Variants in ASB5 observed in about 807,000 individuals in gnomAD.
The protein encoded by ASB5 is ankyrin repeat and SOCS box containing 5.
A neutral mutation model predicts 42.1 loss-of-function variants in ASB5; 45 were observed. That is an observed-to-expected ratio of 1.07 (90% CI 0.84 to 1.37). The LOEUF is 1.37. Among genes scored for constraint, ASB5 ranks in the 40% most tolerant of loss-of-function variants. ASB5 has a pLI of 0.00. For synonymous variants in ASB5, 147 were observed against 150.6 expected (o/e 0.98, Z 0.18); for missense variants, 402 against 399.8 (o/e 1.01, Z -0.05).
rs1752895449 is a variant in ASB5 at position 176,213,732 on chromosome 4, A to T, written c.*1868T>A. ...TAATAACAAACATACAATACATTAAAGTTAGAACACTACTTTGATAAGACA... is the reference window on the plus strand; with the variant it reads ...TAATAACAAACATACAATACATTAATGTTAGAACACTACTTTGATAAGACA... On this transcript the variant is annotated 3_prime_UTR_variant, in exon 7 of 7. Coordinates refer to ENST00000296525, the MANE Select transcript of ASB5 (RefSeq NM_080874.4). 6.6e-6 allele frequency: 1 copy of T among 152,122 alleles called. No individual in the cohort carries two copies. Among genetic ancestry groups the T allele is most frequent in the South Asian group, 2.1e-4 (1 of 4,836 alleles). 9.4% of individuals were successfully genotyped at this position (152,122 alleles called of 1,614,324 possible). A position where few individuals can be genotyped will look rare whatever the true frequency, so the allele number is the denominator to read the frequency against.
Position 176,221,193 on chromosome 4 carries a change from G to A in ASB5, c.632C>T (p.Ser211Leu). 6.2e-7 allele frequency: 1 copy of A among 1,614,050 alleles called. No homozygotes were observed. Among genetic ancestry groups the A allele is most frequent in the Non-Finnish European group, 8.5e-7 (1 of 1,179,994 alleles). The part of the protein sequence containing the change: ...LGTPLYVACM[S>L]QQFHCIWKLL... ...CTTCCAGATGCAATGGAATTGCTGTGACATACAAGCTACATAGAGAGGAGT... is the reference window on the plus strand; with the variant it reads ...CTTCCAGATGCAATGGAATTGCTGTAACATACAAGCTACATAGAGAGGAGT... Residue 211 changes from serine to leucine, a missense_variant, in exon 5 of 7, where the codon TCA (serine) becomes TTA (leucine). Physicochemically the swap from Ser to Leu is moderately radical, Grantham distance 145 (BLOSUM62 -2). Coordinates refer to ENST00000296525, the MANE Select transcript of ASB5 (RefSeq NM_080874.4).
chr4:176,276,696 G>C (rs1199788681), intron 1 of ASB5, among the ~76,000 whole-genome samples: 1 of 152,114 alleles, frequency 6.6e-6, no homozygotes, highest in Admixed American at 6.6e-5. Flanking sequence ...AGAAATCAAG[G>C]CTCTGGAACT....
At chr4:176,215,799 T>A (rs1394465761) in intron 6 of ASB5, 72 bp from the exon 7 acceptor site, 26 of 1,421,116 alleles carry the variant, frequency 1.8e-5, no homozygotes, top group Non-Finnish European at 2.4e-5. Context: ...GTACATAACA[T>A]AAAACCATAA....
At position 176,245,598 on chromosome 4, in the gene ASB5, G is replaced by A. The variant is rs544629332; in HGVS notation, c.197-20257C>T. Among the ~76,000 whole-genome samples, 216 of 152,236 alleles carry A rather than the reference G, an allele frequency of 1.4e-3. 3 individuals are homozygous for A. The highest frequency in any genetic ancestry group is 0.011 in the South Asian group (55 of 4,826). ...TGCTACTATAAAGACACATGCACAC[G>A]TATGTTTATTGTGGCACTATTCACA... On this transcript the variant is annotated intron_variant, in intron 1 of 6. Transcript: ENST00000296525.
chr4:176,221,021 T>C (rs1753188703), intron 5 of ASB5, 134 bp downstream of exon 5: 2 of 1,152,516 alleles, frequency 1.7e-6, no homozygotes, highest in Non-Finnish European at 2.4e-6. Context: ...ATTGGTTCTC[T>C]ATTCATGTGT....
chr4:176,222,122 T>C (rs13127572), intron 3 of ASB5, among the ~76,000 whole-genome samples, 191 bp downstream of exon 3: 23,877 of 152,190 alleles, frequency 0.16, 2,488 homozygotes, highest in Middle Eastern at 0.29. Context: ...TGCAGCATGC[T>C]ACCCATTTAT....
chr4:176,218,254 A>G (rs181521409), intron 5 of ASB5, among the ~76,000 whole-genome samples: 1 of 17,064 alleles, frequency 5.9e-5, no homozygotes, highest in African/African-American at 3.0e-4. Flanking sequence ...ATATATAAAT[A>G]TATATATATT....
intron 1 of ASB5, among the ~76,000 whole-genome samples, chr4:176,228,949 TG>T (rs1753450784): frequency 6.6e-6 from 1 of 152,172 alleles, no homozygotes; most frequent in African/African-American, 2.4e-5. Context: ...CAATTTTTTG[TG>T]AACACTTAAA....
intron 1 of ASB5, among the ~76,000 whole-genome samples, chr4:176,225,681 C>T (rs555267468): frequency 2.0e-5 from 3 of 152,288 alleles, no homozygotes; most frequent in South Asian, 4.2e-4. Context: ...ACCTCTGTCT[C>T]CCATGTCAAG....
intron 1 of ASB5, among the ~76,000 whole-genome samples, chr4:176,252,627 A>G (rs931117996): frequency 3.3e-5 from 5 of 152,224 alleles, no homozygotes; most frequent in African/African-American, 1.2e-4. Context: ...AAAAAGCCAC[A>G]CGGAAAATAT....
intron 6 of ASB5, among the ~76,000 whole-genome samples, chr4:176,216,303 C>A (rs1480875766): frequency 1.3e-5 from 2 of 151,890 alleles, no homozygotes; most frequent in Non-Finnish European, 2.9e-5. Context: ...TATATTTAAC[C>A]AAAAATATAT....
chr4:176,243,579 C>T (rs748315949), intron 1 of ASB5, among the ~76,000 whole-genome samples: 6 of 151,830 alleles, frequency 4.0e-5, no homozygotes, highest in South Asian at 2.1e-4. Flanking sequence ...CTCGGCTCAC[C>T]GCAACCTCCG....
At chr4:176,228,577 C>A (rs1332527398) in intron 1 of ASB5, among the ~76,000 whole-genome samples, 1 of 152,064 alleles carries the variant, frequency 6.6e-6, no homozygotes, top group Admixed American at 6.6e-5. Context: ...ACACATAATT[C>A]TTTTGAGTTT....
chr4:176,252,114 T>G (rs1007284899), intron 1 of ASB5, among the ~76,000 whole-genome samples: 3 of 133,550 alleles, frequency 2.2e-5, no homozygotes. Context: ...GACACGCATA[T>G]AAAATATTTT....
intron 5 of ASB5, among the ~76,000 whole-genome samples, chr4:176,218,644 AAT>A (rs1261523796): frequency 1.5e-4 from 6 of 39,656 alleles, no homozygotes; most frequent in African/African-American, 2.7e-4. Context: ...ATGATATATA[AAT>A]ATATATATTT....
chr4:176,218,020 C>T (rs976358516), intron 5 of ASB5, among the ~76,000 whole-genome samples: 1 of 150,500 alleles, frequency 6.6e-6, no homozygotes, highest in South Asian at 2.1e-4. Context: ...TATTCCATAA[C>T]AAAATTTCCA....
intron 1 of ASB5, 118 bp downstream of exon 1, chr4:176,268,795 C>G (rs1014734577): frequency 2.0e-5 from 17 of 869,714 alleles, no homozygotes; most frequent in Non-Finnish European, 2.4e-5. Context: ...CAAGTATTTC[C>G]CTTAACAAAA....
At chr4:176,218,607 A>T (rs1366222066) in intron 5 of ASB5, among the ~76,000 whole-genome samples, 3 of 109,748 alleles carry the variant, frequency 2.7e-5, no homozygotes, top group African/African-American at 3.7e-5. Context: ...ATAAATATAT[A>T]TGTATGATAT....
At chr4:176,238,236 C>T (rs1007775436) in intron 1 of ASB5, among the ~76,000 whole-genome samples, 6 of 147,056 alleles carry the variant, frequency 4.1e-5, no homozygotes, top group East Asian at 2.0e-4. Flanking sequence ...AAGTGCATTA[C>T]GGTCAGCTGG....
Sources: gnomAD v4.1 joint callset for allele counts (sites outside exome capture counted in the v4.1 genomes callset) on GRCh38, gnomAD v4.1.1 for gene constraint, MANE v1.5 for transcripts, NCBI Gene and HGNC (gene_info 2026-07-23, HGNC 2026-07-21) for gene names.